The following SORCS3 variants were observed in gnomAD, a reference collection of about 807,000 sequenced individuals.
The protein encoded by SORCS3 is VPS10 domain-containing receptor SorCS3.
Under a neutral mutation model 146.3 loss-of-function variants are expected in SORCS3, and 57 were observed. The observed-to-expected ratio is 0.39, with a 90% CI of 0.31 to 0.49. The LOEUF is 0.49. SORCS3 is among the 20% of genes least tolerant of loss of function. The pLI is 0.92. For missense variants in SORCS3, 1,341 were observed against 1,575.5 expected, an observed-to-expected ratio of 0.85 and a Z score of 2.52; for synonymous variants, 653 against 618.5, an observed-to-expected ratio of 1.06 and a Z score of -0.83.
At chr10:105,058,138 C>G (rs940534103) in intron 5 of SORCS3, among the ~76,000 whole-genome samples, 1 of 152,152 alleles carries the variant, frequency 6.6e-6, no homozygotes, top group Non-Finnish European at 1.5e-5. Context: ...AGATGGAACC[C>G]CTGGGGGATC....
intron 5 of SORCS3, among the ~76,000 whole-genome samples, chr10:105,059,015 C>T (rs1436857853): frequency 3.9e-5 from 6 of 152,150 alleles, no homozygotes; most frequent in Admixed American, 3.9e-4. Flanking sequence ...ACCTGGAAAT[C>T]CCTGCTCTGG....
intron 20 of SORCS3, among the ~76,000 whole-genome samples, chr10:105,231,753 G>A (rs918744718): frequency 2.0e-5 from 3 of 152,084 alleles, no homozygotes; most frequent in African/African-American, 7.2e-5. Context: ...TGCTTTTTCT[G>A]CATAGGTTAA....
At chr10:104,690,895 G>T (rs1163658845) in intron 1 of SORCS3, among the ~76,000 whole-genome samples, 1 of 152,196 alleles carries the variant, frequency 6.6e-6, no homozygotes, top group African/African-American at 2.4e-5. Flanking sequence ...TTTGTGTTTG[G>T]ATACAGATTT....
intron 13 of SORCS3, among the ~76,000 whole-genome samples, chr10:105,176,975 G>A (rs1041213107): frequency 1.3e-5 from 2 of 149,730 alleles, no homozygotes; most frequent in African/African-American, 4.9e-5. Context: ...GTGTGTGTGT[G>A]TGTATACACA....
At chr10:105,134,806 A>G (rs1485823591) in intron 7 of SORCS3, among the ~76,000 whole-genome samples, 2 of 152,150 alleles carry the variant, frequency 1.3e-5, no homozygotes, top group South Asian at 2.1e-4. Context: ...TTTCATCCCA[A>G]TAGCTTCAAA....
intron 4 of SORCS3, among the ~76,000 whole-genome samples, chr10:105,016,155 A>ATATATATATATATATATATT (rs71482443): frequency 9.9e-5 from 10 of 101,320 alleles, no homozygotes; most frequent in African/African-American, 3.4e-4. Context: ...ATATATATAT[A>ATATATATATATATATATATT]TTTTTTTTTT....
chr10:104,924,655 A>C (rs2019121012), intron 3 of SORCS3, among the ~76,000 whole-genome samples: 1 of 152,196 alleles, frequency 6.6e-6, no homozygotes, highest in Non-Finnish European at 1.5e-5. Context: ...CTGGGAAAAG[A>C]ATCAGGATTT....
intron 3 of SORCS3, among the ~76,000 whole-genome samples, chr10:104,916,385 G>C (rs982911285): frequency 6.6e-6 from 1 of 152,224 alleles, no homozygotes; most frequent in African/African-American, 2.4e-5. Flanking sequence ...CTTACTCCAA[G>C]GGAGATTGTT....
At chr10:105,139,540 G>C (rs2056080972) in intron 8 of SORCS3, 54 bp downstream of exon 8, 1 of 1,396,230 alleles carries the variant, frequency 7.2e-7, no homozygotes, top group Admixed American at 1.7e-5. Context: ...GGGAGGGTTG[G>C]AGAGGCTGCT....
At chr10:104,699,871 T>A (rs1247175712) in intron 1 of SORCS3, among the ~76,000 whole-genome samples, 1 of 152,208 alleles carries the variant, frequency 6.6e-6, no homozygotes, top group Non-Finnish European at 1.5e-5. Context: ...TGTTACCTGT[T>A]ATGGTAACTG....
In SORCS3 at chr10:104,829,411, G is replaced by T. The variant is rs969912275; in HGVS notation, c.628-13381G>T. ...GCATGAGAAGGAAGGAGAGCATCAG[G>T]TAGAGAACAGGAGAAGGGCTTTCAG... On this transcript the variant is annotated intron_variant, in intron 1 of 26. Coordinates refer to ENST00000369701, the MANE Select transcript of SORCS3 (RefSeq NM_014978.3). Among the ~76,000 whole-genome samples, 6 of 152,298 alleles carry T rather than the reference G, an allele frequency of 3.9e-5. No homozygotes were observed. The South Asian group carries it at 8.3e-4, about 21-fold the overall frequency.
intron 14 of SORCS3, among the ~76,000 whole-genome samples, chr10:105,193,810 TAAC>T (rs2056530296): frequency 6.6e-6 from 1 of 152,236 alleles, no homozygotes; most frequent in African/African-American, 2.4e-5. Flanking sequence ...ACCCATATGT[TAAC>T]AACAATTCAA....
At chr10:104,957,693 T>A (rs1469203056) in intron 3 of SORCS3, among the ~76,000 whole-genome samples, 1 of 152,160 alleles carries the variant, frequency 6.6e-6, no homozygotes, top group African/African-American at 2.4e-5. Flanking sequence ...CTGAGGCAGC[T>A]GGGGCTCCTC....
At chr10:105,206,054 G>A (rs553574114) in intron 16 of SORCS3, among the ~76,000 whole-genome samples, 4 of 152,130 alleles carry the variant, frequency 2.6e-5, no homozygotes, top group South Asian at 2.1e-4. Flanking sequence ...AGATGTATCC[G>A]AAGTACATTA....
At chr10:105,207,984 AT>A (rs2056613049) in intron 16 of SORCS3, among the ~76,000 whole-genome samples, 2 of 152,182 alleles carry the variant, frequency 1.3e-5, no homozygotes, top group South Asian at 4.1e-4. Flanking sequence ...CAACTGGAGA[AT>A]TTTTGATAAG....
chr10:105,202,475 T>C (rs12267878), intron 16 of SORCS3, among the ~76,000 whole-genome samples: 35,522 of 152,028 alleles, frequency 0.23, 4,145 homozygotes, highest in East Asian at 0.32. Flanking sequence ...AAATATCAGC[T>C]TCTCAGAAAT....
chr10:105,078,781 A>G (rs965039211), intron 5 of SORCS3, among the ~76,000 whole-genome samples: 5 of 152,284 alleles, frequency 3.3e-5, no homozygotes, highest in Admixed American at 6.5e-5. Flanking sequence ...TTACCTCCCC[A>G]TTGTGCCGAT....
chr10:104,687,074 C>T (rs925141032), intron 1 of SORCS3, among the ~76,000 whole-genome samples: 1 of 152,068 alleles, frequency 6.6e-6, no homozygotes, highest in Non-Finnish European at 1.5e-5. Context: ...TCCATCCAGT[C>T]ATCCATCCAT....
intron 19 of SORCS3, 118 bp downstream of exon 19, chr10:105,217,240 A>T (rs1195847818): frequency 1.1e-6 from 1 of 904,818 alleles, no homozygotes; most frequent in African/African-American, 1.6e-5. Context: ...CAATTACCCA[A>T]ACCAAATGGT....
Sources: gnomAD v4.1 joint callset for allele counts (sites outside exome capture counted in the v4.1 genomes callset) on GRCh38, gnomAD v4.1.1 for gene constraint, MANE v1.5 for transcripts, NCBI Gene and HGNC (gene_info 2026-07-23, HGNC 2026-07-21) for gene names.